The following ITSN2 variants were observed in gnomAD, a reference collection of about 807,000 sequenced individuals.
ITSN2 encodes the protein intersectin 2.
ITSN2 carries 156 observed loss-of-function variants against 243.7 expected under a neutral mutation model. The observed-to-expected ratio is 0.64, with a 90% CI of 0.56 to 0.73. The LOEUF is 0.73. ITSN2 is among the 30% of genes least tolerant of loss of function. The probability of loss-of-function intolerance (pLI) is 0.00; values close to 1 mark genes in which losing one functional copy is unlikely to be tolerated. For synonymous variants in ITSN2, 703 were observed against 699.9 expected, an observed-to-expected ratio of 1.00 and a Z score of -0.07; for missense variants, 1,801 against 1,996.1, an observed-to-expected ratio of 0.90 and a Z score of 1.86.
chr2:24,267,651 C>T (rs974764832), intron 20 of ITSN2, among the ~76,000 whole-genome samples: 2 of 152,134 alleles, frequency 1.3e-5, no homozygotes, highest in Admixed American at 6.5e-5. Flanking sequence ...ACCTCCTGGG[C>T]TCAAGTGATT....
chr2:24,284,782 T>A lies in ITSN2; in HGVS notation c.1925A>T (p.Asn642Ile). The A allele has an allele frequency of 6.3e-7, 1 of 1,598,458 alleles. No homozygotes were observed. The highest frequency in any genetic ancestry group is 8.6e-7 in the Non-Finnish European group (1 of 1,166,228). ...AATAACCTTAAGTAAGAGGAAGAGG[T>A]TGTTGAGACAGCTTAGCAGAGACAA... is the stretch of plus-strand genomic sequence containing the variant. ...CLLSLLSCLN[N>I]LFLLLKELRE... The change falls in exon 17 of 40, where the codon AAC becomes ATC. Residue 642 changes from asparagine (N) to isoleucine (I), a missense_variant. Coordinates refer to ENST00000355123, the MANE Select transcript of ITSN2 (RefSeq NM_006277.3).
intron 24 of ITSN2, among the ~76,000 whole-genome samples, chr2:24,252,975 T>C (rs1345994879): frequency 6.6e-6 from 1 of 152,184 alleles, no homozygotes; most frequent in Non-Finnish European, 1.5e-5. Flanking sequence ...AAACACTCAA[T>C]ACCCAGAAGA....
chr2:24,324,612 G>C (rs2151821986), intron 2 of ITSN2, among the ~76,000 whole-genome samples: 2 of 152,126 alleles, frequency 1.3e-5, no homozygotes, highest in Middle Eastern at 6.8e-3. Flanking sequence ...CACTTCAGAA[G>C]GCTAGGGCAG....
Position 24,204,854 on chromosome 2 carries a change from T to G in ITSN2, c.4762+360A>C. 2.5e-6 allele frequency: 1 copy of G among 406,326 alleles called. No individual in the cohort carries two copies. Among genetic ancestry groups the G allele is most frequent in the South Asian group, 1.8e-5 (1 of 54,914 alleles). The allele number at this position is 406,326 out of a possible 1,614,324, so 25.2% of individuals were successfully genotyped here. A position where few individuals can be genotyped will look rare whatever the true frequency, so the allele number is the denominator to read the frequency against. On this transcript the variant is annotated intron_variant, in intron 38 of 39. Transcript: ENST00000355123. This position sits in a 1 kb window ranked among gnomAD's most constrained non-coding sequence, Gnocchi z 5.1. ...AGTGTTCAGAAGAGTCATCAGTGGC[T>G]GGGCGCAGTGGCACTTTGTCAGTGA...
In ITSN2 at chr2:24,203,632, G is replaced by T. The variant is rs748814637; in HGVS notation, c.5088C>A (p.Leu1696=). The T allele has an allele frequency of 1.9e-6, 3 of 1,613,886 alleles. No homozygotes were observed. In the Admixed American group the frequency reaches 5.0e-5, roughly 27 times the overall value. ...FDLQLFEQKT[L]L Reference sequence around the variant, plus strand: ...GTGCTGTCCTTTAGAACCCCTACAGGAGAGTTTTTTGCTCAAAAAGCTGCA... The same window carrying T: ...GTGCTGTCCTTTAGAACCCCTACAGTAGAGTTTTTTGCTCAAAAAGCTGCA... Residue 1696 remains leucine, a synonymous_variant, in exon 40 of 40, where the codon CTC becomes CTA. Transcript: ENST00000355123.
chr2:24,256,050 T>C (rs1470736360), intron 23 of ITSN2, among the ~76,000 whole-genome samples: 1 of 148,366 alleles, frequency 6.7e-6, no homozygotes, highest in Non-Finnish European at 1.5e-5. Flanking sequence ...CGAAATTCCA[T>C]CTCAAAAACA....
intron 15 of ITSN2, among the ~76,000 whole-genome samples, chr2:24,290,906 T>TC (rs1176255524): frequency 1.4e-5 from 2 of 144,696 alleles, no homozygotes; most frequent in African/African-American, 2.5e-5. Context: ...GTTAGTCTCC[T>TC]CCCCCCTACC....
In ITSN2 at chr2:24,204,391, C is replaced by A. The variant is rs186077345; in HGVS notation, c.4790G>T (p.Ser1597Ile). The A allele has an allele frequency of 3.1e-6, 5 of 1,614,098 alleles. No individual in the cohort carries two copies. In the Admixed American group the frequency reaches 6.7e-5, roughly 22 times the overall value. The change falls in exon 39 of 40, where the codon AGC (serine) becomes ATC (isoleucine). Residue 1597 changes from serine to isoleucine, a missense_variant. By Grantham distance (142) the Ser-to-Ile change is moderately radical. Transcript: ENST00000355123. The surrounding 1 kb of genome is among the most constrained non-coding windows in gnomAD (Gnocchi z 5.1). ...GGTGGTGTAGCTCTGGGAGCCCATG[C>A]TGATTTCACAGTATGGGTTGCTCTT... ...NGKSNPYCEISMGSQSYTTRT... is the reference protein window; with the variant it reads ...NGKSNPYCEIIMGSQSYTTRT...
intron 17 of ITSN2, among the ~76,000 whole-genome samples, chr2:24,284,496 G>A (rs1679214883): frequency 6.6e-6 from 1 of 152,162 alleles, no homozygotes; most frequent in Non-Finnish European, 1.5e-5. Flanking sequence ...CAGGGATGTT[G>A]TAAAGGAACC....
intron 16 of ITSN2, among the ~76,000 whole-genome samples, chr2:24,285,477 G>A (rs959990173): frequency 6.6e-6 from 1 of 152,158 alleles, no homozygotes; most frequent in Non-Finnish European, 1.5e-5. Flanking sequence ...TTATACAAAA[G>A]CTTTATGAAA....
chr2:24,216,196 C>A lies in ITSN2; in HGVS notation c.3843G>T (p.Lys1281Asn). Residue 1281 changes from lysine (K) to asparagine (N), a missense_variant, in exon 32 of 40, where the codon AAG (lysine) becomes AAT (asparagine). Lys to Asn is a moderately conservative substitution (Grantham distance 94). Transcript: ENST00000355123. ...TGTCCCCAATCATCTGCACCGGCAT[C>A]TTCTCGCCCCCGGTCTTCTTCCGCA... ...LRVRKKTGGE[K>N]MPVQMIGDIL... The A allele has an allele frequency of 6.2e-7, 1 of 1,609,264 alleles. No homozygotes were observed.
Position 24,203,731 on chromosome 2 carries a change from T to C in ITSN2, c.4989A>G (p.Glu1663=). ...IPVAKIRTEQ[E]SKGPMTRRLL... ...GTCGGCGGGTCATAGGGCCTTTGCT[T>C]TCCTGTTCTGTTCGAATTTTTGCCA... is the stretch of plus-strand genomic sequence containing the variant. Residue 1663 remains glutamate, a synonymous_variant, in exon 40 of 40, where the codon GAA becomes GAG. Coordinates refer to ENST00000355123, the MANE Select transcript of ITSN2 (RefSeq NM_006277.3). 6.2e-7 allele frequency: 1 copy of C among 1,614,216 alleles called. No individual in the cohort carries two copies.
intron 25 of ITSN2, among the ~76,000 whole-genome samples, chr2:24,250,461 A>T (rs1276113133): frequency 1.3e-5 from 2 of 152,198 alleles, no homozygotes; most frequent in East Asian, 3.8e-4. Context: ...TTTTCTGATG[A>T]GTGGTGGTAT....
intron 23 of ITSN2, among the ~76,000 whole-genome samples, chr2:24,256,965 T>C (rs1675126344): frequency 6.6e-6 from 1 of 152,126 alleles, no homozygotes; most frequent in African/African-American, 2.4e-5. Context: ...CAATTTATAG[T>C]AAACAGGGGA....
chr2:24,359,009 T>C (rs934675457), intron 1 of ITSN2, among the ~76,000 whole-genome samples: 5 of 152,234 alleles, frequency 3.3e-5, no homozygotes. Flanking sequence ...GCAATGCACA[T>C]TTTTTCCACG....
Position 24,204,419 on chromosome 2 carries a change from C to A in ITSN2, c.4763-1G>T. 1.2e-6 allele frequency: 2 copies of A among 1,614,076 alleles called. No homozygotes were observed. The highest frequency in any genetic ancestry group is 1.7e-6 in the Non-Finnish European group (2 of 1,179,974). ...ATTTCACAGTATGGGTTGCTCTTTC[C>A]TGAACAAAAACAAACCACAGACACA... On this transcript the variant is annotated splice_acceptor_variant, in intron 38 of 39. Transcript: ENST00000355123. LOFTEE classifies it high-confidence loss of function. The surrounding 1 kb of genome is among the most constrained non-coding windows in gnomAD (Gnocchi z 5.1).
rs940589577 is a variant in ITSN2 at position 24,208,462 on chromosome 2, C to T, written c.4596-143G>A. On this transcript the variant is annotated intron_variant, in intron 36 of 39. Transcript: ENST00000355123. ...CTATCAAAGACCTGATATTAGTCAA[C>T]TGAAAGATGCTTATGCTAATGGAGT... 12 of 657,470 alleles carry T rather than the reference C, an allele frequency of 1.8e-5. No homozygotes were observed. The African/African-American group carries it at 2.2e-4, about 12-fold the overall frequency. The allele number at this position is 657,470 out of a possible 1,614,324, so 40.7% of individuals were successfully genotyped here.
chr2:24,264,157 C>T (rs1012484577), intron 20 of ITSN2, among the ~76,000 whole-genome samples: 1 of 151,946 alleles, frequency 6.6e-6, no homozygotes, highest in African/African-American at 2.4e-5. Context: ...TTTGGAAGGC[C>T]GAGGGGGGCA....
Position 24,347,051 on chromosome 2 carries a change from G to C in ITSN2, c.-34+13253C>G, listed in dbSNP as rs117875869. On this transcript the variant is annotated intron_variant, in intron 1 of 39. Coordinates refer to ENST00000355123, the MANE Select transcript of ITSN2 (RefSeq NM_006277.3). The stretch of plus-strand genomic sequence containing the variant: ...AGCTAATTTTTTTTGTACTAGTAGA[G>C]ACAGGGTTTCACCATATTGGCCAGG... 9.4e-4 allele frequency among the ~76,000 whole-genome samples: 143 copies of C among 151,932 alleles called. 1 individual carries two copies. The East Asian group carries it at 0.021, about 22-fold the overall frequency.
Sources: allele counts gnomAD v4.1 joint callset (sites outside exome capture counted in the v4.1 genomes callset), GRCh38; gene constraint gnomAD v4.1.1; non-coding constraint Gnocchi (gnomAD v3.1); transcripts MANE v1.5; gene names NCBI Gene and HGNC (gene_info 2026-07-23, HGNC 2026-07-21).